The following LRP1B variants were observed in gnomAD, a reference collection of about 807,000 sequenced individuals.
LRP1B encodes low-density lipoprotein receptor-related protein 1B.
Under a neutral mutation model 556.6 loss-of-function variants are expected in LRP1B, and 217 were observed. That is an observed-to-expected ratio of 0.39 (90% CI 0.35 to 0.44). The LOEUF is 0.44. Among genes scored for constraint, LRP1B ranks in the 20% least tolerant of loss-of-function variants. The pLI is 1.00. For synonymous variants in LRP1B, 2,047 were observed against 1,865.8 expected, an observed-to-expected ratio of 1.10 and a Z score of -2.50; for missense variants, 5,053 against 5,620.8, an observed-to-expected ratio of 0.90 and a Z score of 3.23.
chr2:142,009,799 T>G (rs1019975980), intron 1 of LRP1B, among the ~76,000 whole-genome samples: 1 of 152,140 alleles, frequency 6.6e-6, no homozygotes, highest in Non-Finnish European at 1.5e-5. Flanking sequence ...TCTCTATATA[T>G]TGTATATAGA....
At chr2:141,313,070 A>T (rs1256883620) in intron 3 of LRP1B, among the ~76,000 whole-genome samples, 4 of 152,186 alleles carry the variant, frequency 2.6e-5, no homozygotes, top group Non-Finnish European at 1.5e-5. Flanking sequence ...ATAAACACAC[A>T]CATCCTCCCC....
intron 20 of LRP1B, among the ~76,000 whole-genome samples, chr2:140,935,930 G>GTA (rs1287454018): frequency 6.6e-6 from 1 of 151,264 alleles, no homozygotes; most frequent in African/African-American, 2.4e-5. Context: ...TATGTTAAGT[G>GTA]TATATATACA....
Position 140,554,850 on chromosome 2 carries a change from GTGTA to G in LRP1B, c.7195-12883_7195-12880del, listed in dbSNP as rs1257328103. ...GCTGCTGCTGCTTCTTTTAAAGTGT[GTGTA>G]TGTGTGTGTGTGTGTGTGTGTGTGT... is the stretch of plus-strand genomic sequence containing the variant. On this transcript the variant is annotated intron_variant, in intron 43 of 90. Coordinates refer to ENST00000389484, the MANE Select transcript of LRP1B (RefSeq NM_018557.3). Among the ~76,000 whole-genome samples, 5 of 129,302 alleles carry G rather than the reference GTGTA, an allele frequency of 3.9e-5. No individual in the cohort carries two copies. In the East Asian group the frequency reaches 7.0e-4, roughly 18 times the overall value. The allele number at this position is 129,302 out of a possible 152,430, so 84.8% of individuals were successfully genotyped here. A position where few individuals can be genotyped will look rare whatever the true frequency, so the allele number is the denominator to read the frequency against.
chr2:141,624,705 T>G (rs990948970), intron 2 of LRP1B, among the ~76,000 whole-genome samples: 11 of 152,226 alleles, frequency 7.2e-5, no homozygotes, highest in Non-Finnish European at 1.5e-4. Context: ...TTATTCATTT[T>G]TCCTATCTCA....
intron 2 of LRP1B, among the ~76,000 whole-genome samples, chr2:141,709,220 G>A (rs1187952307): frequency 1.3e-5 from 2 of 151,854 alleles, no homozygotes; most frequent in East Asian, 3.9e-4. Context: ...GTGGTGGCAT[G>A]TGCCTGTAGT....
intron 52 of LRP1B, among the ~76,000 whole-genome samples, chr2:140,508,771 C>T (rs931797575): frequency 2.0e-4 from 30 of 152,270 alleles, no homozygotes; most frequent in African/African-American, 1.7e-4. Context: ...TGCATTTTAA[C>T]GGAATGTACT....
intron 66 of LRP1B, among the ~76,000 whole-genome samples, chr2:140,398,775 T>C (rs1423261156): frequency 2.0e-5 from 3 of 152,146 alleles, no homozygotes; most frequent in Admixed American, 6.6e-5. Context: ...GAACAAATTC[T>C]GAAACTGAAG....
intron 3 of LRP1B, among the ~76,000 whole-genome samples, chr2:141,311,458 G>T (rs1347737253): frequency 6.6e-6 from 1 of 152,088 alleles, no homozygotes; most frequent in African/African-American, 2.4e-5. Flanking sequence ...TTTTTTTCAA[G>T]GCTCCACTAT....
intron 1 of LRP1B, among the ~76,000 whole-genome samples, chr2:141,894,983 G>A (rs1167552725): frequency 6.7e-6 from 1 of 150,224 alleles, no homozygotes; most frequent in Non-Finnish European, 1.5e-5. Flanking sequence ...AAGAGGCGGA[G>A]GTTGCAGTGA....
At chr2:140,970,358 T>C (rs1696375525) in intron 18 of LRP1B, among the ~76,000 whole-genome samples, 1 of 152,210 alleles carries the variant, frequency 6.6e-6, no homozygotes, top group Non-Finnish European at 1.5e-5. Flanking sequence ...TCTCATGCCA[T>C]GGTTTTCAGC....
chr2:142,021,438 G>T (rs902474823), intron 1 of LRP1B, among the ~76,000 whole-genome samples: 24 of 152,040 alleles, frequency 1.6e-4, no homozygotes, highest in African/African-American at 5.8e-4. Context: ...GAGCACAAAA[G>T]TACTAGAAGG....
intron 1 of LRP1B, among the ~76,000 whole-genome samples, chr2:142,087,532 AT>A (rs1705993438): frequency 6.6e-6 from 1 of 151,570 alleles, no homozygotes; most frequent in African/African-American, 2.4e-5. Flanking sequence ...ACTTATTAAT[AT>A]GTAAGCATAT....
intron 1 of LRP1B, among the ~76,000 whole-genome samples, chr2:141,945,383 C>A (rs1700923449): frequency 6.6e-6 from 1 of 152,048 alleles, no homozygotes; most frequent in Non-Finnish European, 1.5e-5. Context: ...GTTTATTAAC[C>A]ACTAAAATGT....
At chr2:141,479,968 C>G (rs1682857163) in intron 3 of LRP1B, among the ~76,000 whole-genome samples, 1 of 152,104 alleles carries the variant, frequency 6.6e-6, no homozygotes, top group Admixed American at 6.6e-5. Flanking sequence ...CTTCATACTT[C>G]TTACTGAAAT....
At chr2:140,544,421 T>C (rs952586002) in intron 43 of LRP1B, among the ~76,000 whole-genome samples, 2 of 152,012 alleles carry the variant, frequency 1.3e-5, no homozygotes, top group African/African-American at 2.4e-5. Flanking sequence ...CCCTCAGGGA[T>C]TTAGTACCCA....
chr2:141,756,293 C>A (rs1215661632), intron 2 of LRP1B, among the ~76,000 whole-genome samples: 2 of 152,150 alleles, frequency 1.3e-5, no homozygotes, highest in Non-Finnish European at 2.9e-5. Flanking sequence ...ACAACCCAAC[C>A]AGCCAGCTTT....
At chr2:141,276,746 T>G (rs940729149) in intron 3 of LRP1B, among the ~76,000 whole-genome samples, 2 of 147,506 alleles carry the variant, frequency 1.4e-5, no homozygotes, top group African/African-American at 5.0e-5. Flanking sequence ...AAGCTCCGCC[T>G]CCCCGGTTCA....
intron 3 of LRP1B, among the ~76,000 whole-genome samples, chr2:141,350,275 G>A (rs1405306476): frequency 6.6e-6 from 1 of 151,918 alleles, no homozygotes. Flanking sequence ...TTTCAATGGG[G>A]CAAATGTACA....
chr2:140,797,240 C>T (rs944941674), intron 32 of LRP1B, among the ~76,000 whole-genome samples: 2 of 151,910 alleles, frequency 1.3e-5, no homozygotes, highest in Non-Finnish European at 2.9e-5. Context: ...ATTCTTCCCC[C>T]CAAAACCCAA....
Sources: allele counts gnomAD v4.1 joint callset (sites outside exome capture counted in the v4.1 genomes callset), GRCh38; gene constraint gnomAD v4.1.1; transcripts MANE v1.5; gene names NCBI Gene and HGNC (gene_info 2026-07-23, HGNC 2026-07-21).